The following USP24 variants were observed in gnomAD, a reference collection of about 807,000 sequenced individuals.
USP24 encodes the protein ubiquitin specific peptidase 24.
Under a neutral mutation model 361.6 loss-of-function variants are expected in USP24, and 97 were observed. The observed-to-expected ratio is 0.27, with a 90% CI of 0.23 to 0.32. USP24 has a LOEUF of 0.32. Among genes scored for constraint, USP24 ranks in the 10% least tolerant of loss-of-function variants. The pLI, the probability that USP24 is intolerant of heterozygous loss-of-function variation, is 1.00. For missense variants in USP24, 2,353 were observed against 3,165.6 expected (o/e 0.74, Z 6.16); for synonymous variants, 1,098 against 1,124.6 (o/e 0.98, Z 0.47).
chr1:55,151,712 G>A (rs1231196764), intron 16 of USP24, among the ~76,000 whole-genome samples: 3 of 152,102 alleles, frequency 2.0e-5, no homozygotes, highest in Non-Finnish European at 4.4e-5. Context: ...AAGCAGCAAA[G>A]GAAAGAGGAC....
chr1:55,074,202 C>T (rs1421911911), intron 63 of USP24, among the ~76,000 whole-genome samples: 1 of 151,246 alleles, frequency 6.6e-6, no homozygotes, highest in Non-Finnish European at 1.5e-5. Flanking sequence ...AAACTTTTTA[C>T]TGCCTGATTA....
intron 1 of USP24, among the ~76,000 whole-genome samples, chr1:55,203,884 AT>A: frequency 6.6e-6 from 1 of 152,300 alleles, no homozygotes; most frequent in East Asian, 1.9e-4. Context: ...GACACCTAAC[AT>A]TTTCTCAAAA....
Position 55,137,549 on chromosome 1 carries a change from C to T in USP24, c.3167G>A (p.Ser1056Asn), listed in dbSNP as rs1646772407. ...GGCATATGAAGAACTAAAAACCCCA[C>T]TGCTGCTGCTGCTGGAGCTGGTTGA... ...DSSTSSSSSS[S>N]GVFSSSYAME... The change falls in exon 28 of 68, where the codon AGT becomes AAT. Residue 1056 changes from serine to asparagine, a missense_variant. Physicochemically the swap from Ser to Asn is conservative, Grantham distance 46. Coordinates refer to ENST00000294383, the MANE Select transcript of USP24 (RefSeq NM_015306.3). 6.2e-7 allele frequency: 1 copy of T among 1,604,970 alleles called. No individual in the cohort carries two copies. Among genetic ancestry groups the T allele is most frequent in the Admixed American group, 1.7e-5 (1 of 58,934 alleles).
intron 1 of USP24, among the ~76,000 whole-genome samples, chr1:55,211,629 T>A (rs1234197040): frequency 6.6e-6 from 1 of 152,170 alleles, no homozygotes; most frequent in African/African-American, 2.4e-5. Context: ...CTACATGACC[T>A]TGGACAGTCT....
chr1:55,168,552 T>C (rs1398469803), intron 5 of USP24, among the ~76,000 whole-genome samples: 2 of 152,256 alleles, frequency 1.3e-5, no homozygotes, highest in East Asian at 3.9e-4. Flanking sequence ...AGTGTCCATT[T>C]GCAGGAGAAA....
At chr1:55,151,276 A>G (rs1647184591) in intron 16 of USP24, among the ~76,000 whole-genome samples, 1 of 152,160 alleles carries the variant, frequency 6.6e-6, no homozygotes, top group Non-Finnish European at 1.5e-5. Flanking sequence ...CTATCCTTCT[A>G]TCTAGGACCA....
chr1:55,179,471 T>C (rs1035406539), intron 1 of USP24, among the ~76,000 whole-genome samples: 16 of 152,216 alleles, frequency 1.1e-4, no homozygotes, highest in African/African-American at 3.6e-4. Context: ...ACTTCTCCTC[T>C]GAGCTTCAGA....
At chr1:55,152,333 G>C (rs540225150) in intron 16 of USP24, among the ~76,000 whole-genome samples, 32 of 152,280 alleles carry the variant, frequency 2.1e-4, no homozygotes, top group African/African-American at 7.7e-4. Context: ...GCAAAGAGAA[G>C]CAATAAAGAT....
At chr1:55,097,833 C>T in intron 47 of USP24, 110 bp downstream of exon 47, 1 of 1,509,236 alleles carries the variant, frequency 6.6e-7, no homozygotes, top group Non-Finnish European at 8.9e-7. Flanking sequence ...AGTAATGACA[C>T]AATCTAATGG....
At chr1:55,153,942 ATAAG>A in intron 15 of USP24, 25 bp from the exon 16 acceptor site, 1 of 1,549,838 alleles carries the variant, frequency 6.5e-7, no homozygotes, top group South Asian at 1.2e-5. Context: ...TAAGAGAAAT[ATAAG>A]TGACTTGGTA....
chr1:55,172,237 A>T, intron 4 of USP24, 140 bp downstream of exon 4: 2 of 888,276 alleles, frequency 2.3e-6, no homozygotes, highest in Non-Finnish European at 3.1e-6. Context: ...CTCTGCTTTT[A>T]AAATAAAGAC....
At chr1:55,127,704 T>A (rs1484956438) in intron 32 of USP24, among the ~76,000 whole-genome samples, 7 of 152,224 alleles carry the variant, frequency 4.6e-5, no homozygotes, top group Non-Finnish European at 1.0e-4. Context: ...AGTGTTCCTA[T>A]TTCTCCACAT....
chr1:55,198,240 C>A (rs991955561), intron 1 of USP24, among the ~76,000 whole-genome samples: 9 of 152,146 alleles, frequency 5.9e-5, no homozygotes, highest in Non-Finnish European at 1.0e-4. Context: ...CCTTGGCCTT[C>A]CAACGTGCTG....
chr1:55,073,943 A>C, intron 63 of USP24, 37 bp from the exon 64 acceptor site: 1 of 1,522,350 alleles, frequency 6.6e-7, no homozygotes. Context: ...ACAATAAAAG[A>C]CTCAACTGAA....
At position 55,154,157 on chromosome 1, in the gene USP24, T is replaced by C; in HGVS notation, c.1774A>G (p.Arg592Gly). ...TCTATGCACTTGATGATGTAGCTCC[T>C]CTTGATTGCTTCTTTCACTGCATAT... Reference protein sequence around the residue: ...DAYAVKEAIKRSYIIKCIEDI... With the variant: ...DAYAVKEAIKGSYIIKCIEDI... The change falls in exon 15 of 68, where the codon AGG becomes GGG. Residue 592 changes from arginine to glycine, a missense_variant. Arg to Gly is a moderately radical substitution (Grantham distance 125, BLOSUM62 -2). This residue lies in a region of USP24 where 386 missense variants were observed against 560.5 expected (regional missense o/e 0.69). Transcript: ENST00000294383. 6.2e-7 allele frequency: 1 copy of C among 1,613,644 alleles called. No individual in the cohort carries two copies. The highest frequency in any genetic ancestry group is 8.5e-7 in the Non-Finnish European group (1 of 1,179,708).
chr1:55,164,162 T>C (rs1233328926), intron 7 of USP24, among the ~76,000 whole-genome samples: 6 of 151,832 alleles, frequency 4.0e-5, no homozygotes, highest in African/African-American at 1.4e-4. Context: ...CCTGGAAAGA[T>C]GACCATGATA....
In USP24 at chr1:55,175,578, C is replaced by T. The variant is rs1649901794; in HGVS notation, c.558+798G>A. On this transcript the variant is annotated intron_variant, in intron 3 of 67. Transcript: ENST00000294383. ...CATTACCCATCTGTAGTTCTAGTGA[C>T]TTATTTACATATTGGACAAAAATGG... Among the ~76,000 whole-genome samples, 3 of 152,104 alleles carry T rather than the reference C, an allele frequency of 2.0e-5. 1 individual carries two copies. The South Asian group carries it at 6.2e-4, about 32-fold the overall frequency.
At chr1:55,162,445 G>A (rs1408075524) in intron 7 of USP24, among the ~76,000 whole-genome samples, 181 bp from the exon 8 acceptor site, 3 of 152,066 alleles carry the variant, frequency 2.0e-5, no homozygotes, top group Non-Finnish European at 2.9e-5. Context: ...ATGTCAACCC[G>A]CTTAAATTAT....
intron 63 of USP24, among the ~76,000 whole-genome samples, chr1:55,074,305 T>C (rs2100395944): frequency 6.6e-6 from 1 of 152,266 alleles, no homozygotes; most frequent in South Asian, 2.1e-4. Flanking sequence ...TAGGGTCAGT[T>C]CAGCAATTAT....
Sources: gnomAD v4.1 joint callset for allele counts (sites outside exome capture counted in the v4.1 genomes callset) on GRCh38, gnomAD v4.1.1 for gene constraint, gnomAD v4.1.1 regional missense constraint, MANE v1.5 for transcripts, NCBI Gene and HGNC (gene_info 2026-07-23, HGNC 2026-07-21) for gene names.